Variants in CARMIL1 observed in about 807,000 individuals in gnomAD.
The protein encoded by CARMIL1 is capping protein regulator and myosin 1 linker 1, also known as F-actin-uncapping protein LRRC16A.
In CARMIL1, 90 loss-of-function variants were observed where a neutral mutation model predicts 177.1. The observed-to-expected ratio is 0.51, with a 90% CI of 0.43 to 0.61. The LOEUF (loss-of-function observed/expected upper bound fraction) is 0.61. Among genes scored for constraint, CARMIL1 ranks in the 20% least tolerant of loss-of-function variants. The probability of loss-of-function intolerance (pLI) is 0.00; values close to 1 mark genes in which losing one functional copy is unlikely to be tolerated. For synonymous variants in CARMIL1, 577 were observed against 606.2 expected (o/e 0.95, Z 0.71); for missense variants, 1,380 against 1,667.0 (o/e 0.83, Z 3.00).
intron 2 of CARMIL1, among the ~76,000 whole-genome samples, chr6:25,342,961 C>A (rs1787096434): frequency 6.6e-6 from 1 of 152,224 alleles, no homozygotes; most frequent in Admixed American, 6.5e-5. Flanking sequence ...TCTGTCTAAT[C>A]TTATTTTCCA....
intron 20 of CARMIL1, among the ~76,000 whole-genome samples, chr6:25,514,349 C>G (rs1805752199): frequency 1.3e-5 from 2 of 151,912 alleles, no homozygotes; most frequent in African/African-American, 4.8e-5. Flanking sequence ...GAGTTTGAGA[C>G]CAGCCTGGCC....
At chr6:25,470,738 T>G (rs1438214879) in intron 9 of CARMIL1, among the ~76,000 whole-genome samples, 1 of 152,174 alleles carries the variant, frequency 6.6e-6, no homozygotes, top group Non-Finnish European at 1.5e-5. Flanking sequence ...GCTGTGTCTT[T>G]ACTAAGTGGA....
At chr6:25,322,760 T>G (rs1331214405) in intron 2 of CARMIL1, among the ~76,000 whole-genome samples, 3 of 152,240 alleles carry the variant, frequency 2.0e-5, no homozygotes, top group Non-Finnish European at 2.9e-5. Flanking sequence ...GGTAGCTTAC[T>G]GTTACCCTGT....
At chr6:25,353,077 G>A (rs1444476202) in intron 2 of CARMIL1, among the ~76,000 whole-genome samples, 1 of 152,140 alleles carries the variant, frequency 6.6e-6, no homozygotes, top group African/African-American at 2.4e-5. Context: ...CCCACCAACT[G>A]TAGGTCCTGG....
At chr6:25,468,451 ACT>A (rs1027249757) in intron 9 of CARMIL1, among the ~76,000 whole-genome samples, 3 of 152,154 alleles carry the variant, frequency 2.0e-5, no homozygotes, top group Admixed American at 6.5e-5. Context: ...TTCATTTATT[ACT>A]CTATAGTGAT....
chr6:25,290,456 C>T (rs546719980), intron 2 of CARMIL1, among the ~76,000 whole-genome samples: 1 of 139,840 alleles, frequency 7.2e-6, no homozygotes, highest in African/African-American at 2.7e-5. Flanking sequence ...CCTCTTGTTT[C>T]CCACAGTTCT....
chr6:25,518,334 A>G (rs1234798872), intron 22 of CARMIL1, among the ~76,000 whole-genome samples: 1 of 152,154 alleles, frequency 6.6e-6, no homozygotes, highest in Admixed American at 6.5e-5. Context: ...TACCTCTCTG[A>G]TTAAATCTTT....
intron 3 of CARMIL1, among the ~76,000 whole-genome samples, chr6:25,425,195 A>T (rs1472481609): frequency 6.6e-6 from 1 of 152,170 alleles, no homozygotes; most frequent in Non-Finnish European, 1.5e-5. Context: ...TGTATTTCCA[A>T]TACTGGCACA....
intron 3 of CARMIL1, among the ~76,000 whole-genome samples, chr6:25,424,558 T>C (rs2150714715): frequency 6.6e-6 from 1 of 152,316 alleles, no homozygotes; most frequent in East Asian, 1.9e-4. Context: ...AGATGCTCAT[T>C]GAGGGTCATG....
At chr6:25,452,080 T>G in intron 8 of CARMIL1, 1 of 670,840 alleles carries the variant, frequency 1.5e-6, no homozygotes, top group Admixed American at 1.8e-5. Context: ...TGAAGAGCTC[T>G]AGCCAACTGA....
At chr6:25,499,208 T>C (rs1804059286) in intron 16 of CARMIL1, among the ~76,000 whole-genome samples, 1 of 152,234 alleles carries the variant, frequency 6.6e-6, no homozygotes, top group Non-Finnish European at 1.5e-5. Flanking sequence ...TGGAGGTCCT[T>C]TTCCTGGGAA....
At chr6:25,364,154 C>T (rs970856170) in intron 2 of CARMIL1, among the ~76,000 whole-genome samples, 2 of 151,754 alleles carry the variant, frequency 1.3e-5, no homozygotes, top group African/African-American at 2.4e-5. Flanking sequence ...TATGTTGCCT[C>T]GGCTGGTCTT....
Position 25,348,521 on chromosome 6 carries a change from C to T in CARMIL1, c.138+63612C>T, listed in dbSNP as rs183207916. Among the ~76,000 whole-genome samples, 446 of 151,968 alleles carry T rather than the reference C, an allele frequency of 2.9e-3. 3 individuals are homozygous for T. Among genetic ancestry groups the T allele is most frequent in the African/African-American group, 1.0e-2 (413 of 41,468 alleles). On this transcript the variant is annotated intron_variant, in intron 2 of 36. Transcript: ENST00000329474. Reference sequence around the variant, plus strand: ...GCAATAGGCTGGGCGTGATGGCTCACGCCTGTAATCTGAGCACTTTGGGAG... The same window carrying T: ...GCAATAGGCTGGGCGTGATGGCTCATGCCTGTAATCTGAGCACTTTGGGAG...
chr6:25,417,583 T>C (rs1028525778), intron 2 of CARMIL1, among the ~76,000 whole-genome samples: 2 of 152,200 alleles, frequency 1.3e-5, no homozygotes, highest in Non-Finnish European at 2.9e-5. Context: ...ATGGCTGCCC[T>C]GGGCTATCCC....
At chr6:25,539,547 C>T (rs573208702) in intron 25 of CARMIL1, among the ~76,000 whole-genome samples, 212 of 144,538 alleles carry the variant, frequency 1.5e-3, no homozygotes, top group African/African-American at 5.1e-3. Flanking sequence ...ATCGCTTGAA[C>T]CCGGGAGGCG....
At chr6:25,314,472 CAA>C (rs71544634) in intron 2 of CARMIL1, among the ~76,000 whole-genome samples, 4 of 115,082 alleles carry the variant, frequency 3.5e-5, no homozygotes, top group Non-Finnish European at 1.8e-5. Context: ...GATTCTGTCT[CAA>C]AAAAAAAAAA....
intron 8 of CARMIL1, among the ~76,000 whole-genome samples, chr6:25,458,408 G>A (rs573925401): frequency 7.1e-6 from 1 of 140,516 alleles, no homozygotes; most frequent in Admixed American, 7.7e-5. Context: ...AGAATTGCTT[G>A]AATCGGGTGG....
rs1816365775 is a variant in CARMIL1, at chr6:25,609,963, T to G, written c.3848-87T>G. 8 of 1,377,012 alleles carry G rather than the reference T, an allele frequency of 5.8e-6. No homozygotes were observed. In the South Asian group the frequency reaches 1.3e-4, roughly 22 times the overall value. 85.3% of individuals were successfully genotyped at this position (1,377,012 alleles called of 1,614,324 possible). A position where few individuals can be genotyped will look rare whatever the true frequency, so the allele number is the denominator to read the frequency against. ...ATGATGCTTTATTTTTTTAAATGAC[T>G]TATTTTTATATATAGATTTACCAGG... On this transcript the variant is annotated intron_variant, in intron 35 of 36. Transcript: ENST00000329474.
intron 2 of CARMIL1, among the ~76,000 whole-genome samples, chr6:25,404,367 G>A (rs188095108): frequency 6.6e-6 from 1 of 152,252 alleles, no homozygotes; most frequent in Non-Finnish European, 1.5e-5. Flanking sequence ...TTGCAGCAGG[G>A]CTGCTTTGGG....
Sources: allele counts gnomAD v4.1 joint callset (sites outside exome capture counted in the v4.1 genomes callset), GRCh38; gene constraint gnomAD v4.1.1; transcripts MANE v1.5; gene names NCBI Gene and HGNC (gene_info 2026-07-23, HGNC 2026-07-21).